TJP1: variants seen among roughly 807,000 people sequenced by gnomAD.
The protein encoded by TJP1 is tight junction protein ZO-1.
Under a neutral mutation model 194.2 loss-of-function variants are expected in TJP1, and 43 were observed. The ratio of observed to expected loss-of-function variants is 0.22; its 90% CI spans 0.17 to 0.29. The LOEUF (loss-of-function observed/expected upper bound fraction) is 0.29, where lower values mean the gene tolerates loss of function less well. TJP1 is among the 10% of genes least tolerant of loss of function. The pLI, the probability that TJP1 is intolerant of heterozygous loss-of-function variation, is 1.00. For synonymous variants in TJP1, 801 were observed against 779.0 expected, an observed-to-expected ratio of 1.03 and a Z score of -0.47; for missense variants, 1,971 against 2,185.7, an observed-to-expected ratio of 0.90 and a Z score of 1.96.
chr15:29,756,864 G>C (rs1456436027), intron 8 of TJP1, among the ~76,000 whole-genome samples: 4 of 152,066 alleles, frequency 2.6e-5, no homozygotes, highest in African/African-American at 4.8e-5. Flanking sequence ...CTCAATTTTA[G>C]TTTGCTTAAC....
chr15:29,779,543 G>A (rs1413388181), intron 2 of TJP1, among the ~76,000 whole-genome samples: 1 of 152,222 alleles, frequency 6.6e-6, no homozygotes. Context: ...TGGCTTGCTA[G>A]TTCAATATAT....
intron 1 of TJP1, among the ~76,000 whole-genome samples, chr15:29,819,445 G>A (rs1949712918): frequency 6.6e-6 from 1 of 152,058 alleles, no homozygotes; most frequent in African/African-American, 2.4e-5. Context: ...TAAATAAATT[G>A]AGCACTTAGA....
chr15:29,944,710 T>C (rs140818761), intron 2 of TJP1, among the ~76,000 whole-genome samples: 230 of 152,334 alleles, frequency 1.5e-3, no homozygotes, highest in African/African-American at 5.3e-3. Flanking sequence ...CAATCGGATT[T>C]TACCTACTTC....
At position 29,701,648 on chromosome 15, in the gene TJP1, G is replaced by C. The variant is rs763522633; in HGVS notation, c.5254C>G (p.Pro1752Ala). Reference protein sequence around the residue: ...TWQNKCLPGDPNYLVGANCVS... With the variant: ...TWQNKCLPGDANYLVGANCVS... ...CAGTTTGCTCCAACGAGATAATTTG[G>C]ATCTCCGGGAAGACACTTGTTTTGC... The change falls in exon 28 of 28, where the codon CCA becomes GCA. Residue 1752 changes from proline (P) to alanine (A), a missense_variant. Transcript: ENST00000614355. The C allele has an allele frequency of 6.2e-7, 1 of 1,613,902 alleles. No individual in the cohort carries two copies. The highest frequency in any genetic ancestry group is 1.7e-5 in the Admixed American group (1 of 59,984).
chr15:29,896,235 G>A (rs1391624657), intron 2 of TJP1, among the ~76,000 whole-genome samples: 2 of 152,188 alleles, frequency 1.3e-5, no homozygotes, highest in African/African-American at 2.4e-5. Flanking sequence ...ATTGAATGAT[G>A]GGGGCGGATC....
rs397975539 is a variant in TJP1 at position 29,864,237 on chromosome 15, C to CAAAAAAAAAA, written c.307-63545_307-63536dup. 6.0e-3 allele frequency among the ~76,000 whole-genome samples: 113 copies of CAAAAAAAAAA among 18,940 alleles called. 20 individuals are homozygous for CAAAAAAAAAA. The highest frequency in any genetic ancestry group is 0.015 in the East Asian group (6 of 408). 12.4% of individuals were successfully genotyped at this position (18,940 alleles called of 152,430 possible). A position where few individuals can be genotyped will look rare whatever the true frequency, so the allele number is the denominator to read the frequency against. ...TGAAACCCCGTCTCTACTAAAAATA[C>CAAAAAAAAAA]AAAAAAAAAAAAAAAAAAAAAAAAA... is the stretch of plus-strand genomic sequence containing the variant. On this transcript the variant is annotated intron_variant, in intron 2 of 28. Transcript: ENST00000356107.
chr15:29,733,123 T>C lies in TJP1; in HGVS notation c.1707A>G (p.Val569=), dbSNP rs375520499. Residue 569 remains valine, a synonymous_variant, in exon 13 of 28, where the codon GTA becomes GTG. Coordinates refer to ENST00000614355, the MANE Select transcript of TJP1 (RefSeq NM_001330239.4). ...TCTTATTAGGGATGATGCCTCGTTC[T>C]ACCTCCTTATGATTTTTACCAATTC... ...AIRIGKNHKE[V]ERGIIPNKNR... The C allele has an allele frequency of 1.1e-5, 18 of 1,613,994 alleles. No individual in the cohort carries two copies. Among genetic ancestry groups the C allele is most frequent in the Non-Finnish European group, 1.4e-5 (17 of 1,180,014 alleles).
intron 23 of TJP1, among the ~76,000 whole-genome samples, chr15:29,715,413 T>C (rs2042503932): frequency 6.6e-6 from 1 of 152,234 alleles, no homozygotes. Context: ...GAAAAAAGTC[T>C]TCACTACAAA....
chr15:29,743,739 A>G (rs2044579951), intron 8 of TJP1, among the ~76,000 whole-genome samples: 1 of 152,200 alleles, frequency 6.6e-6, no homozygotes, highest in Non-Finnish European at 1.5e-5. Flanking sequence ...TGAAAAAGAA[A>G]AAAAGAACTA....
chr15:29,925,464 CTCT>C (rs1425326131), intron 2 of TJP1, among the ~76,000 whole-genome samples: 1 of 152,178 alleles, frequency 6.6e-6, no homozygotes, highest in Non-Finnish European at 1.5e-5. Context: ...GGCGCTACTC[CTCT>C]TCTTCTCCTG....
intron 2 of TJP1, among the ~76,000 whole-genome samples, chr15:29,950,529 G>A (rs903960334): frequency 2.0e-5 from 3 of 152,006 alleles, no homozygotes; most frequent in Non-Finnish European, 2.9e-5. Flanking sequence ...AATCATCACC[G>A]TGTGCCCAGA....
chr15:29,959,267 GGT>G (rs1370448333), intron 1 of TJP1, among the ~76,000 whole-genome samples: 4 of 151,474 alleles, frequency 2.6e-5, no homozygotes, highest in African/African-American at 4.9e-5. Flanking sequence ...TGGGATTACA[GGT>G]GTGAGCTACC....
At chr15:29,814,256 G>A (rs8038371) in intron 1 of TJP1, among the ~76,000 whole-genome samples, 392 of 152,312 alleles carry the variant, frequency 2.6e-3, no homozygotes, top group African/African-American at 9.0e-3. Flanking sequence ...ATGACCATAA[G>A]TTTGCTCGTA....
At chr15:29,757,159 C>A (rs1400690818) in intron 8 of TJP1, among the ~76,000 whole-genome samples, 3 of 152,106 alleles carry the variant, frequency 2.0e-5, no homozygotes, top group East Asian at 3.8e-4. Flanking sequence ...GGCTCCAAAG[C>A]CCTAAGAATT....
intron 8 of TJP1, among the ~76,000 whole-genome samples, chr15:29,745,302 G>GGAA (rs1555400928): frequency 2.9e-5 from 4 of 135,904 alleles, no homozygotes; most frequent in Admixed American, 7.4e-5. Context: ...CCAAAATATT[G>GGAA]AAAAAAAAAA....
At position 29,708,529 on chromosome 15, in the gene TJP1, C is replaced by T. The variant is rs756680337; in HGVS notation, c.4850+30G>A. ...ACTCACATGAGAAAAATCACAGGGC[C>T]AATGCTTTGAGCAAAGGCATAAGTC... On this transcript the variant is annotated intron_variant, in intron 25 of 27. Transcript: ENST00000614355. 6.5e-6 allele frequency: 10 copies of T among 1,537,920 alleles called. No individual in the cohort carries two copies. In the South Asian group the frequency reaches 1.1e-4, roughly 18 times the overall value.
intron 2 of TJP1, among the ~76,000 whole-genome samples, chr15:29,903,047 C>T (rs539796009): frequency 1.1e-4 from 17 of 152,028 alleles, no homozygotes; most frequent in African/African-American, 3.9e-4. Context: ...CAGGCAAGCC[C>T]AGCCTCTATA....
chr15:29,899,332 C>T (rs941236777), intron 2 of TJP1, among the ~76,000 whole-genome samples: 1 of 152,148 alleles, frequency 6.6e-6, no homozygotes, highest in Non-Finnish European at 1.5e-5. Context: ...TCAATTATTC[C>T]TTTCCTATTG....
intron 5 of TJP1, among the ~76,000 whole-genome samples, chr15:29,763,453 C>T (rs1409643126): frequency 6.6e-6 from 1 of 152,086 alleles, no homozygotes; most frequent in African/African-American, 2.4e-5. Flanking sequence ...ATTAACAGAC[C>T]TATTACCTAA....
Sources: allele counts gnomAD v4.1 joint callset (sites outside exome capture counted in the v4.1 genomes callset), GRCh38; gene constraint gnomAD v4.1.1; transcripts MANE v1.5; gene names NCBI Gene and HGNC (gene_info 2026-07-23, HGNC 2026-07-21).